The following ADAMTS7 variants were observed in gnomAD, a reference collection of about 807,000 sequenced individuals.
ADAMTS7 encodes the protein ADAM metallopeptidase with thrombospondin type 1 motif 7, also known as A disintegrin and metalloproteinase with thrombospondin motifs 7.
In ADAMTS7, 89 loss-of-function variants were observed where a neutral mutation model predicts 172.6. That is an observed-to-expected ratio of 0.52 (90% CI 0.43 to 0.61). ADAMTS7 has a LOEUF of 0.61. Ranked by LOEUF, ADAMTS7 falls within the 20% of genes least tolerant of loss-of-function variation. ADAMTS7 has a pLI of 0.00. For synonymous variants in ADAMTS7, 885 were observed against 978.4 expected (o/e 0.90, Z 1.78); for missense variants, 1,973 against 2,355.6 (o/e 0.84, Z 3.36).
Position 78,811,375 on chromosome 15 carries a change from G to A in ADAMTS7, c.-155C>T. The A allele has an allele frequency of 3.2e-6, 3 of 944,146 alleles. No individual in the cohort carries two copies. The highest frequency in any genetic ancestry group is 5.5e-5 in the South Asian group (1 of 18,084). 58.5% of individuals were successfully genotyped at this position (944,146 alleles called of 1,614,324 possible). A position where few individuals can be genotyped will look rare whatever the true frequency, so the allele number is the denominator to read the frequency against. ...GACTCCGTTCGGCTGCGCTCGGTCC[G>A]CGGGCAACAAAGGCTGCAGGGCCCG... On this transcript the variant is annotated 5_prime_UTR_variant, in exon 1 of 24. Transcript: ENST00000388820.
intron 2 of ADAMTS7, among the ~76,000 whole-genome samples, chr15:78,799,987 T>C (rs1312355820): frequency 6.6e-6 from 1 of 151,918 alleles, no homozygotes; most frequent in East Asian, 1.9e-4. Context: ...ACCACCCGGC[T>C]TTCACATTAA....
intron 1 of ADAMTS7, among the ~76,000 whole-genome samples, chr15:78,808,442 G>A (rs2055823895): frequency 6.6e-6 from 1 of 151,942 alleles, no homozygotes; most frequent in East Asian, 1.9e-4. Flanking sequence ...CACCATGTTG[G>A]CCAGGCTGGT....
At chr15:78,759,647 C>T (rs891606170) in intron 23 of ADAMTS7, 69 bp from the exon 24 acceptor site, 15 of 1,455,868 alleles carry the variant, frequency 1.0e-5, no homozygotes, top group Middle Eastern at 2.5e-4. Flanking sequence ...CTCCCTACGC[C>T]AACCACCTTA....
At chr15:78,759,978 C>T (rs7182796) in intron 23 of ADAMTS7, among the ~76,000 whole-genome samples, 140,854 of 150,416 alleles carry the variant, frequency 0.94, 65,947 homozygotes, top group African/African-American at 0.96. Flanking sequence ...CAGCCTGCAG[C>T]GGCCTCTGCC....
intron 7 of ADAMTS7, among the ~76,000 whole-genome samples, chr15:78,789,280 T>C (rs2055547059): frequency 6.6e-6 from 1 of 152,108 alleles, no homozygotes; most frequent in South Asian, 2.1e-4. Context: ...AACCCCTCAA[T>C]CTATGGGAAG....
chr15:78,774,948 C>T (rs920663847), intron 11 of ADAMTS7, among the ~76,000 whole-genome samples, 155 bp from the exon 12 acceptor site: 9 of 152,316 alleles, frequency 5.9e-5, no homozygotes, highest in Middle Eastern at 3.4e-3. Context: ...GCTGCCCACC[C>T]TCTGGCCCAG....
At chr15:78,774,355 C>T in intron 12 of ADAMTS7, 55 bp from the exon 13 acceptor site, 1 of 1,499,212 alleles carries the variant, frequency 6.7e-7, no homozygotes, top group South Asian at 1.3e-5. Flanking sequence ...AGTATGGAGG[C>T]CACCAGGAAG....
chr15:78,764,634 G>A lies in ADAMTS7; in HGVS notation c.4340C>T (p.Ala1447Val). ...RCSSGRDEDCAPAGRPQPARR... is the reference protein window; with the variant it reads ...RCSSGRDEDCVPAGRPQPARR... ...GGCAGGCTGGGGCCGGCCAGCGGGG[G>A]CGCAGTCCTCATCCCGGCCGGAGCT... The change falls in exon 20 of 24, where the codon GCC becomes GTC. Residue 1447 changes from alanine (A) to valine (V), a missense_variant. Coordinates refer to ENST00000388820, the MANE Select transcript of ADAMTS7 (RefSeq NM_014272.5). 1 of 1,561,244 alleles carries A rather than the reference G, an allele frequency of 6.4e-7. No individual in the cohort carries two copies. The highest frequency in any genetic ancestry group is 2.3e-5 in the East Asian group (1 of 42,952).
chr15:78,763,736 T>C lies in ADAMTS7; in HGVS notation c.4703A>G (p.His1568Arg). The C allele has an allele frequency of 6.3e-7, 1 of 1,591,066 alleles. No homozygotes were observed. The highest frequency in any genetic ancestry group is 8.5e-7 in the Non-Finnish European group (1 of 1,171,082). ...RPNTTRPCNT[H>R]PCTQWVVGPW... The stretch of plus-strand genomic sequence containing the variant: ...CCCCACCACCCACTGCGTGCAGGGG[T>C]GGGTGTTGCAGGGCCGGGTGGTGTT... The change falls in exon 22 of 24, where the codon CAC (histidine) becomes CGC (arginine). Residue 1568 changes from histidine to arginine, a missense_variant. By Grantham distance (29) the His-to-Arg change is conservative. This residue lies in a region of ADAMTS7 where 218 missense variants were observed against 216.9 expected (regional missense o/e 1.01). Coordinates refer to ENST00000388820, the MANE Select transcript of ADAMTS7 (RefSeq NM_014272.5).
chr15:78,769,686 G>A (rs963671709), intron 16 of ADAMTS7, among the ~76,000 whole-genome samples: 1 of 152,242 alleles, frequency 6.6e-6, no homozygotes, highest in African/African-American at 2.4e-5. Context: ...CTTAGACTGT[G>A]CATCTGGGAC....
Position 78,768,246 on chromosome 15 carries a change from C to T in ADAMTS7, c.2532G>A (p.Gln844=). The change falls in exon 17 of 24, where the codon CAG becomes CAA. Residue 844 remains glutamine (Q), a synonymous_variant. Transcript: ENST00000388820. Reference sequence around the variant, plus strand: ...CCTGCCGCTCCAAGCAGTACACATTCTGCCTCTGCACACCTAGGGGCCACG... The same window carrying T: ...CCTGCCGCTCCAAGCAGTACACATTTTGCCTCTGCACACCTAGGGGCCACG... The part of the protein sequence containing the change: ...TVTCGRGVQR[Q]NVYCLERQAG... 6.2e-7 allele frequency: 1 copy of T among 1,610,862 alleles called. No homozygotes were observed. The highest frequency in any genetic ancestry group is 1.3e-5 in the African/African-American group (1 of 74,926).
chr15:78,789,360 G>C lies in ADAMTS7; in HGVS notation c.1178+329C>G, dbSNP rs59017738. On this transcript the variant is annotated intron_variant, in intron 7 of 23. Transcript: ENST00000388820. ...GCAAACAGGAACAGGGACAGGGATCGAGAGTAAAAAATACAGCACTGAGGG... is the reference window on the plus strand; with the variant it reads ...GCAAACAGGAACAGGGACAGGGATCCAGAGTAAAAAATACAGCACTGAGGG... Among the ~76,000 whole-genome samples the C allele has an allele frequency of 6.6e-3, 998 of 152,324 alleles. 20 individuals are homozygous for C. Among genetic ancestry groups the C allele is most frequent in the East Asian group, 0.06 (311 of 5,176 alleles).
chr15:78,801,186 C>T (rs1347450298), intron 1 of ADAMTS7, among the ~76,000 whole-genome samples: 1 of 152,168 alleles, frequency 6.6e-6, no homozygotes, highest in Non-Finnish European at 1.5e-5. Flanking sequence ...CTCTGCTCAT[C>T]GTCTTACTCT....
intron 4 of ADAMTS7, among the ~76,000 whole-genome samples, chr15:78,792,543 C>A (rs1368946404): frequency 6.6e-6 from 1 of 152,248 alleles, no homozygotes; most frequent in Non-Finnish European, 1.5e-5. Flanking sequence ...CCCAGCCTAG[C>A]CAACAGGCTT....
chr15:78,764,898 T>C (rs891143618), intron 19 of ADAMTS7, 191 bp from the exon 20 acceptor site: 1 of 561,374 alleles, frequency 1.8e-6, no homozygotes, highest in Admixed American at 3.7e-5. Flanking sequence ...AAAAGTCAAA[T>C]CCCCTCAGCA....
In ADAMTS7 at chr15:78,767,533, C is replaced by T. The variant is rs147067027; in HGVS notation, c.2705G>A (p.Arg902His). Residue 902 changes from arginine to histidine, a missense_variant, in exon 18 of 24, where the codon CGC becomes CAC. Transcript: ENST00000388820. ...GCTGCGGATGCAGAGCACGGCCCGG[C>T]GGGAGAGGCCCCCAGGCCCGCAGGA... ...SSSCGPGGLS[R>H]RAVLCIRSVG... 221 of 1,589,030 alleles carry T rather than the reference C, an allele frequency of 1.4e-4. 2 individuals carry two copies. Among genetic ancestry groups the T allele is most frequent in the South Asian group, 6.4e-4 (57 of 88,476 alleles).
intron 1 of ADAMTS7, among the ~76,000 whole-genome samples, chr15:78,809,248 G>A (rs1165517486): frequency 6.6e-6 from 1 of 152,164 alleles, no homozygotes; most frequent in African/African-American, 2.4e-5. Context: ...AGCCCAGGAT[G>A]AGCCCTTTGG....
At chr15:78,796,383 GC>G (rs2141517429) in intron 4 of ADAMTS7, among the ~76,000 whole-genome samples, 1 of 152,156 alleles carries the variant, frequency 6.6e-6, no homozygotes, top group Admixed American at 6.5e-5. Context: ...CCCCACAGCA[GC>G]CCTCTGCCCA....
chr15:78,781,671 T>G lies in ADAMTS7; in HGVS notation c.1323-4083A>C, dbSNP rs2622826. On this transcript the variant is annotated intron_variant, in intron 8 of 23. Transcript: ENST00000388820. Reference sequence around the variant, plus strand: ...AGGCTGTTGGGCAGCACCCTGGGTCTGGGCAGCTGGGAACAAGCCCTGGGG... The same window carrying G: ...AGGCTGTTGGGCAGCACCCTGGGTCGGGGCAGCTGGGAACAAGCCCTGGGG... 2.4e-3 allele frequency among the ~76,000 whole-genome samples: 362 copies of G among 152,264 alleles called. 2 individuals are homozygous for G. The highest frequency in any genetic ancestry group is 0.017 in the Middle Eastern group (5 of 294).
Sources: allele counts gnomAD v4.1 joint callset (sites outside exome capture counted in the v4.1 genomes callset), GRCh38; gene constraint gnomAD v4.1.1; regional missense constraint gnomAD v4.1.1; transcripts MANE v1.5; gene names NCBI Gene and HGNC (gene_info 2026-07-23, HGNC 2026-07-21).